The following MTMR8 variants were observed in gnomAD, a reference collection of about 807,000 sequenced individuals.
MTMR8 encodes the protein phosphatidylinositol-3,5-bisphosphate 3-phosphatase MTMR8.
In MTMR8, 65 loss-of-function variants were observed where a neutral mutation model predicts 39.3. The ratio of observed to expected loss-of-function variants is 1.65; its 90% CI spans 1.35 to 2.03. The LOEUF (loss-of-function observed/expected upper bound fraction) is 2.03. MTMR8 is among the 30% of genes most tolerant of loss of function. The pLI, the probability that MTMR8 is intolerant of heterozygous loss-of-function variation, is 0.00. For synonymous variants in MTMR8, 245 were observed against 185.2 expected (o/e 1.32, Z -2.62); for missense variants, 777 against 538.9 (o/e 1.44, Z -4.37).
rs752478315 is a variant in MTMR8 at position 64,349,854 on chromosome X, C to T, written c.597+88G>A. 161 of 830,571 alleles carry T rather than the reference C, an allele frequency of 1.9e-4. No individual in the cohort carries two copies. The South Asian group carries it at 7.0e-3, about 36-fold the overall frequency. The allele number at this position is 830,571 out of a possible 1,213,427, so 68.4% of individuals were successfully genotyped here. On this transcript the variant is annotated intron_variant, in intron 5 of 13. Coordinates refer to ENST00000374852, the MANE Select transcript of MTMR8 (RefSeq NM_017677.4). The stretch of plus-strand genomic sequence containing the variant: ...AGAAGTTAAGTAACTTGCCTGAGGT[C>T]ACACAGCTACTAAGTGGCAGCATGA...
At chrX:64,308,857 C>T (rs1404313963) in intron 12 of MTMR8, among the ~76,000 whole-genome samples, 1 of 111,386 alleles carries the variant, frequency 9.0e-6, no homozygotes, top group East Asian at 2.8e-4. Context: ...GTTAAAAAGA[C>T]TTTCCTTTCT....
Position 64,276,174 on chromosome X carries a change from T to A in MTMR8, c.1482-5101A>T, listed in dbSNP as rs370326955. ...TAATTTTTTTGAAGGGTTTTTCATG[T>A]CTCTATCTCCTTCAGTTCTGATCTG... On this transcript the variant is annotated intron_variant, in intron 12 of 13. Coordinates refer to ENST00000374852, the MANE Select transcript of MTMR8 (RefSeq NM_017677.4). Among the ~76,000 whole-genome samples, 52 of 111,582 alleles carry A rather than the reference T, an allele frequency of 4.7e-4. No individual in the cohort carries two copies. In the East Asian group the frequency reaches 0.013, roughly 27 times the overall value.
At chrX:64,294,070 A>T (rs1921486977) in intron 12 of MTMR8, among the ~76,000 whole-genome samples, 1 of 111,849 alleles carries the variant, frequency 8.9e-6, no homozygotes, top group African/African-American at 3.3e-5. Flanking sequence ...GCTTATTTAA[A>T]TAACGTGTAC....
intron 8 of MTMR8, 28 bp downstream of exon 8, chrX:64,343,583 T>G: frequency 1.0e-6 from 1 of 977,683 alleles, no homozygotes; most frequent in Middle Eastern, 2.6e-4. Flanking sequence ...TTAAAGTCAG[T>G]GCAAATTTTA....
chrX:64,392,720 T>A (rs1414961662), intron 1 of MTMR8, among the ~76,000 whole-genome samples: 1 of 111,607 alleles, frequency 9.0e-6, no homozygotes, highest in African/African-American at 3.3e-5. Context: ...TGTACTTCAA[T>A]AATTTTTTAA....
At chrX:64,279,181 C>T (rs1300975063) in intron 12 of MTMR8, among the ~76,000 whole-genome samples, 1 of 111,875 alleles carries the variant, frequency 8.9e-6, no homozygotes, top group Non-Finnish European at 1.9e-5. Flanking sequence ...CCACCCCTTC[C>T]CCCTAACACT....
chrX:64,386,998 G>A (rs2147248776), intron 1 of MTMR8, among the ~76,000 whole-genome samples: 1 of 111,627 alleles, frequency 9.0e-6, no homozygotes, highest in East Asian at 2.8e-4. Context: ...AGGCTGCAGT[G>A]AGCCAAGTTC....
intron 1 of MTMR8, among the ~76,000 whole-genome samples, chrX:64,382,680 C>A (rs1224722436): frequency 9.0e-6 from 1 of 111,456 alleles, no homozygotes; most frequent in South Asian, 3.8e-4. Flanking sequence ...CTGTCTCATG[C>A]CAGTTTTCAA....
At position 64,268,799 on chromosome X, in the gene MTMR8, C is replaced by T. The variant is rs780226313; in HGVS notation, c.1853G>A (p.Ser618Asn). 1 of 1,211,745 alleles carries T rather than the reference C, an allele frequency of 8.3e-7. No individual in the cohort carries two copies. Among genetic ancestry groups the T allele is most frequent in the South Asian group, 1.8e-5 (1 of 56,978 alleles). Residue 618 changes from serine to asparagine, a missense_variant, in exon 14 of 14, where the codon AGC becomes AAC. Coordinates refer to ENST00000374852, the MANE Select transcript of MTMR8 (RefSeq NM_017677.4). Reference protein sequence around the residue: ...LHHNCCEIVGSLRAINISGDV... With the variant: ...LHHNCCEIVGNLRAINISGDV... ...CCCAGAGATATTTATGGCCCTAAGG[C>T]TGCCCACAATCTCACAACAGTTATG...
chrX:64,283,935 A>G (rs144208582), intron 12 of MTMR8, among the ~76,000 whole-genome samples: 9,388 of 112,298 alleles, frequency 0.084, 1,009 homozygotes, highest in African/African-American at 0.29. Context: ...CTCCAAAGGA[A>G]CGCAGCTCCT....
At chrX:64,393,797 G>GTTGGAGT in intron 1 of MTMR8, among the ~76,000 whole-genome samples, 1 of 112,142 alleles carries the variant, frequency 8.9e-6, no homozygotes. Flanking sequence ...AAGGTTAAAG[G>GTTGGAGT]TTGGAGTTTG....
At chrX:64,304,322 C>T (rs905293697) in intron 12 of MTMR8, among the ~76,000 whole-genome samples, 1 of 111,836 alleles carries the variant, frequency 8.9e-6, no homozygotes, top group Non-Finnish European at 1.9e-5. Context: ...GGCTATCAGC[C>T]ACCTGAAGGC....
At chrX:64,282,827 G>A (rs1485085382) in intron 12 of MTMR8, among the ~76,000 whole-genome samples, 2 of 111,604 alleles carry the variant, frequency 1.8e-5, no homozygotes, top group East Asian at 5.7e-4. Context: ...CTAGTAAGGA[G>A]TTAATATCCA....
At chrX:64,319,277 G>A (rs1922560921) in intron 12 of MTMR8, among the ~76,000 whole-genome samples, 2 of 112,058 alleles carry the variant, frequency 1.8e-5, no homozygotes, top group Non-Finnish European at 3.8e-5. Flanking sequence ...ACAAAAACCA[G>A]GGAAATGCTT....
chrX:64,346,325 C>G lies in MTMR8; in HGVS notation c.733-1148G>C, dbSNP rs1261167739. Among the ~76,000 whole-genome samples the G allele has an allele frequency of 1.9e-4, 21 of 110,741 alleles. No homozygotes were observed. The Admixed American group carries it at 2.0e-3, about 11-fold the overall frequency. The stretch of plus-strand genomic sequence containing the variant: ...CACAAACTATTCAAGTTAGAACATG[C>G]AGAGGGAAAAAAGTCAGTGTGCTAA... On this transcript the variant is annotated intron_variant, in intron 6 of 13. Transcript: ENST00000374852.
chrX:64,309,791 T>A (rs1293084219), intron 12 of MTMR8, among the ~76,000 whole-genome samples: 2 of 112,681 alleles, frequency 1.8e-5, no homozygotes, highest in Non-Finnish European at 3.7e-5. Context: ...GTTTACAATA[T>A]ACTGTAGTCT....
intron 4 of MTMR8, 51 bp downstream of exon 4, chrX:64,354,726 C>T (rs781468378): frequency 9.2e-7 from 1 of 1,085,200 alleles, no homozygotes. Flanking sequence ...TCCTGATATT[C>T]TACCATCTTA....
chrX:64,278,471 T>C (rs1232486385), intron 12 of MTMR8, among the ~76,000 whole-genome samples: 2 of 65,844 alleles, frequency 3.0e-5, no homozygotes, highest in African/African-American at 1.1e-4. Context: ...TTTTTTTTTT[T>C]TTTTTTTTTT....
intron 11 of MTMR8, among the ~76,000 whole-genome samples, chrX:64,329,419 A>C (rs929594579): frequency 4.5e-5 from 5 of 111,785 alleles, no homozygotes; most frequent in South Asian, 7.4e-4. Flanking sequence ...CAGAAGGTTT[A>C]AGACAGTGAA....
Sources: gnomAD v4.1 joint callset for allele counts (sites outside exome capture counted in the v4.1 genomes callset) on GRCh38, gnomAD v4.1.1 for gene constraint, MANE v1.5 for transcripts, NCBI Gene and HGNC (gene_info 2026-07-23, HGNC 2026-07-21) for gene names.